The following NELL1 variants were observed in gnomAD, a reference collection of about 807,000 sequenced individuals.
NELL1 encodes the protein neural EGFL like 1.
In NELL1, 76 loss-of-function variants were observed where a neutral mutation model predicts 107.4. That is an observed-to-expected ratio of 0.71 (90% CI 0.59 to 0.86). The LOEUF (loss-of-function observed/expected upper bound fraction) is 0.86. Ranked by LOEUF, NELL1 falls within the 40% of genes least tolerant of loss-of-function variation. The pLI, the probability that NELL1 is intolerant of heterozygous loss-of-function variation, is 0.00. For synonymous variants in NELL1, 353 were observed against 341.2 expected (o/e 1.03, Z -0.38); for missense variants, 1,024 against 1,005.5 (o/e 1.02, Z -0.25).
chr11:20,813,988 T>C (rs1427587909), intron 3 of NELL1, among the ~76,000 whole-genome samples: 1 of 149,240 alleles, frequency 6.7e-6, no homozygotes, highest in African/African-American at 2.6e-5. Flanking sequence ...AATAAATTTA[T>C]TTATTTATTT....
intron 14 of NELL1, among the ~76,000 whole-genome samples, chr11:21,327,033 A>G (rs1443700216): frequency 1.3e-5 from 2 of 152,004 alleles, no homozygotes; most frequent in East Asian, 3.9e-4. Context: ...TCCCCATCCA[A>G]ATCTCATCTT....
chr11:20,750,322 C>A (rs1856103766), intron 2 of NELL1, among the ~76,000 whole-genome samples: 1 of 151,926 alleles, frequency 6.6e-6, no homozygotes, highest in Admixed American at 6.6e-5. Context: ...GCTGCAAGTT[C>A]TTTTTCAGAT....
chr11:21,233,119 C>G (rs534906054), intron 14 of NELL1, among the ~76,000 whole-genome samples: 1 of 152,290 alleles, frequency 6.6e-6, no homozygotes, highest in East Asian at 1.9e-4. Flanking sequence ...TGTGAATTCT[C>G]TCAGATGGGT....
chr11:21,390,597 G>A (rs557242119), intron 15 of NELL1, among the ~76,000 whole-genome samples: 2 of 151,578 alleles, frequency 1.3e-5, no homozygotes, highest in East Asian at 2.0e-4. Flanking sequence ...TCAGTATTCA[G>A]TGTTTACCTT....
At chr11:20,904,693 G>C (rs555563345) in intron 5 of NELL1, among the ~76,000 whole-genome samples, 1 of 152,186 alleles carries the variant, frequency 6.6e-6, no homozygotes, top group South Asian at 2.1e-4. Flanking sequence ...TGTAAGCCTG[G>C]CTAAGTGTTG....
At chr11:21,371,059 T>G in intron 15 of NELL1, 111 bp downstream of exon 15, 1 of 824,960 alleles carries the variant, frequency 1.2e-6, no homozygotes, top group Non-Finnish European at 1.9e-6. Context: ...ACTTGATACA[T>G]TGTGTTGTGA....
intron 2 of NELL1, among the ~76,000 whole-genome samples, chr11:20,702,362 A>G (rs1171640001): frequency 6.6e-6 from 1 of 152,144 alleles, no homozygotes; most frequent in African/African-American, 2.4e-5. Context: ...TTGATTTTGT[A>G]TCCTGAGACT....
chr11:21,258,862 G>A (rs774519658), intron 14 of NELL1, among the ~76,000 whole-genome samples: 1 of 151,954 alleles, frequency 6.6e-6, no homozygotes, highest in Admixed American at 6.6e-5. Context: ...CATAGGCAGA[G>A]ATAGAGGTTC....
intron 14 of NELL1, among the ~76,000 whole-genome samples, chr11:21,297,377 C>A (rs962854303): frequency 2.6e-5 from 4 of 151,954 alleles, no homozygotes; most frequent in Admixed American, 2.6e-4. Flanking sequence ...CATGTAATTT[C>A]TGTTGAAGGT....
rs1365686024 is a variant in NELL1 at position 21,565,420 on chromosome 11, G to T, written c.1980+5038G>T. 3.3e-5 allele frequency among the ~76,000 whole-genome samples: 5 copies of T among 151,802 alleles called. 1 individual carries two copies. The highest frequency in any genetic ancestry group is 4.1e-4 in the South Asian group (2 of 4,820). ...GGTGATGTTTTTTCTCCATGATTTT[G>T]AAGCTTTGCACCAGAATCACCTGCA... is the stretch of plus-strand genomic sequence containing the variant. On this transcript the variant is annotated intron_variant, in intron 17 of 19. Coordinates refer to ENST00000357134, the MANE Select transcript of NELL1 (RefSeq NM_006157.5).
chr11:21,045,091 G>A (rs1196783196), intron 12 of NELL1, among the ~76,000 whole-genome samples: 1 of 152,114 alleles, frequency 6.6e-6, no homozygotes, highest in Non-Finnish European at 1.5e-5. Flanking sequence ...GATTATCCAG[G>A]GCAAGTAAAG....
chr11:21,316,215 AC>A (rs56317902), intron 14 of NELL1, among the ~76,000 whole-genome samples: 7,354 of 152,172 alleles, frequency 0.048, 239 homozygotes, highest in East Asian at 0.11. Context: ...TACCCAGGGG[AC>A]TTTTTAAAGA....
intron 12 of NELL1, among the ~76,000 whole-genome samples, chr11:20,997,917 A>G (rs1481721124): frequency 6.6e-6 from 1 of 152,212 alleles, no homozygotes; most frequent in East Asian, 1.9e-4. Flanking sequence ...AATTTCAGTG[A>G]GCCATGATCA....
intron 2 of NELL1, among the ~76,000 whole-genome samples, chr11:20,719,913 T>G (rs1484070181): frequency 6.6e-6 from 1 of 152,192 alleles, no homozygotes; most frequent in East Asian, 1.9e-4. Context: ...GTTAGTCACT[T>G]TTCTTTATCT....
intron 3 of NELL1, among the ~76,000 whole-genome samples, chr11:20,813,649 T>G (rs1258808100): frequency 6.6e-6 from 1 of 152,234 alleles, no homozygotes; most frequent in African/African-American, 2.4e-5. Context: ...CCTTAGCTAT[T>G]TCCAGCATTC....
intron 14 of NELL1, among the ~76,000 whole-genome samples, chr11:21,324,764 A>T (rs753295252): frequency 3.9e-5 from 6 of 152,120 alleles, no homozygotes; most frequent in Non-Finnish European, 5.9e-5. Context: ...TCTTCATTCC[A>T]CAAGTAACAG....
chr11:21,421,588 C>G lies in NELL1; in HGVS notation c.1645+50640C>G, dbSNP rs756202809. On this transcript the variant is annotated intron_variant, in intron 15 of 19. Coordinates refer to ENST00000357134, the MANE Select transcript of NELL1 (RefSeq NM_006157.5). ...GTTGTAAGCCCTTCTCCACCACCCC[C>G]TCACGTCCCCACCCCACAGCATTAC... Among the ~76,000 whole-genome samples the G allele has an allele frequency of 2.0e-5, 3 of 152,216 alleles. 1 individual carries two copies. Among genetic ancestry groups the G allele is most frequent in the African/African-American group, 7.2e-5 (3 of 41,540 alleles).
chr11:20,698,974 T>C (rs1854696347), intron 2 of NELL1, among the ~76,000 whole-genome samples: 1 of 152,122 alleles, frequency 6.6e-6, no homozygotes. Context: ...CCCAGTACTT[T>C]GGGAGGCCGA....
At position 21,455,306 on chromosome 11, in the gene NELL1, T is replaced by C. The variant is rs1438998639; in HGVS notation, c.1646-79068T>C. On this transcript the variant is annotated intron_variant, in intron 15 of 19. Transcript: ENST00000357134. Reference sequence around the variant, plus strand: ...TTTTATCTGGTGGCTATTTCCTTTTTTTTTTCTTTTATTCTTTTTTTTTTT... The same window carrying C: ...TTTTATCTGGTGGCTATTTCCTTTTCTTTTTCTTTTATTCTTTTTTTTTTT... Among the ~76,000 whole-genome samples, 3 of 138,778 alleles carry C rather than the reference T, an allele frequency of 2.2e-5. No individual in the cohort carries two copies. The Admixed American group carries it at 2.4e-4, about 11-fold the overall frequency. The allele number at this position is 138,778 out of a possible 152,430, so 91.0% of individuals were successfully genotyped here.
Sources: gnomAD v4.1 joint callset for allele counts (sites outside exome capture counted in the v4.1 genomes callset) on GRCh38, gnomAD v4.1.1 for gene constraint, MANE v1.5 for transcripts, NCBI Gene and HGNC (gene_info 2026-07-23, HGNC 2026-07-21) for gene names.